The following FANK1 variants were observed in gnomAD, a reference collection of about 807,000 sequenced individuals.
FANK1 encodes fibronectin type III and ankyrin repeat domains 1, also known as fibronectin type 3 and ankyrin repeat domains protein 1.
Under a neutral mutation model 45.3 loss-of-function variants are expected in FANK1, and 44 were observed. That is an observed-to-expected ratio of 0.97 (90% CI 0.76 to 1.25). FANK1 has a LOEUF of 1.25. FANK1 is among the 50% of genes most tolerant of loss of function. The probability of loss-of-function intolerance (pLI) is 0.00; values close to 1 mark genes in which losing one functional copy is unlikely to be tolerated. For synonymous variants in FANK1, 149 were observed against 152.5 expected, an observed-to-expected ratio of 0.98 and a Z score of 0.17; for missense variants, 391 against 424.4, an observed-to-expected ratio of 0.92 and a Z score of 0.69.
chr10:125,918,585 A>AAAAATATATATATATATATATATAT (rs1554913277), intron 1 of FANK1, among the ~76,000 whole-genome samples: 1 of 70,974 alleles, frequency 1.4e-5, no homozygotes, highest in African/African-American at 7.9e-5. Context: ...AAAAAAAAAA[A>AAAAATATATATATATATATATATAT]ATATATATAT....
At chr10:125,921,801 AATC>A (rs1341660687) in intron 1 of FANK1, among the ~76,000 whole-genome samples, 1 of 152,138 alleles carries the variant, frequency 6.6e-6, no homozygotes, top group African/African-American at 2.4e-5. Context: ...GATTTGTAAT[AATC>A]CTTTCATTTC....
At chr10:126,003,079 C>T (rs1952898165) in intron 6 of FANK1, among the ~76,000 whole-genome samples, 1 of 150,196 alleles carries the variant, frequency 6.7e-6, no homozygotes, top group African/African-American at 2.5e-5. Context: ...TCTTTATAGT[C>T]TCTGGTTCTA....
chr10:125,941,173 T>A (rs530015054), intron 1 of FANK1, among the ~76,000 whole-genome samples: 2 of 152,322 alleles, frequency 1.3e-5, no homozygotes, highest in East Asian at 3.9e-4. Context: ...CCTGCAGAAG[T>A]TCTATATTTG....
At chr10:125,902,543 G>T (rs1260024447) in intron 1 of FANK1, among the ~76,000 whole-genome samples, 2 of 152,254 alleles carry the variant, frequency 1.3e-5, no homozygotes, top group African/African-American at 4.8e-5. Flanking sequence ...AGTGCCTCTT[G>T]TGGATTGTGC....
intron 2 of FANK1, among the ~76,000 whole-genome samples, chr10:125,984,463 T>G (rs1951427242): frequency 6.6e-6 from 1 of 152,134 alleles, no homozygotes; most frequent in Non-Finnish European, 1.5e-5. Flanking sequence ...AATCCAGTCT[T>G]CCACAGGAGG....
At chr10:125,965,177 TAAAC>T (rs997305295) in intron 1 of FANK1, among the ~76,000 whole-genome samples, 10 of 152,072 alleles carry the variant, frequency 6.6e-5, no homozygotes, top group South Asian at 2.1e-4. Context: ...AATAAACAAA[TAAAC>T]AAACTTGATG....
At chr10:125,909,285 G>C (rs954777251) in intron 1 of FANK1, among the ~76,000 whole-genome samples, 10 of 152,070 alleles carry the variant, frequency 6.6e-5, no homozygotes, top group Non-Finnish European at 2.9e-5. Context: ...CTGGATAGCG[G>C]AAGTGAAAAT....
intron 1 of FANK1, among the ~76,000 whole-genome samples, chr10:125,921,207 C>T (rs1946921434): frequency 6.6e-6 from 1 of 152,130 alleles, no homozygotes; most frequent in Non-Finnish European, 1.5e-5. Flanking sequence ...AATTACCTTG[C>T]CCTTTATAGT....
intron 1 of FANK1, among the ~76,000 whole-genome samples, chr10:125,955,291 G>C (rs1396976802): frequency 1.3e-5 from 2 of 151,882 alleles, no homozygotes; most frequent in African/African-American, 4.8e-5. Flanking sequence ...CCCAGTGTGT[G>C]TTGGTCCCCC....
At position 125,982,227 on chromosome 10, in the gene FANK1, G is replaced by A. The variant is rs143506930; in HGVS notation, c.191+1889G>A. Among the ~76,000 whole-genome samples the A allele has an allele frequency of 1.6e-4, 25 of 152,350 alleles. 1 individual carries two copies. The highest frequency in any genetic ancestry group is 5.8e-4 in the African/African-American group (24 of 41,578). On this transcript the variant is annotated intron_variant, in intron 2 of 10. Coordinates refer to ENST00000368693, the MANE Select transcript of FANK1 (RefSeq NM_145235.5). The stretch of plus-strand genomic sequence containing the variant: ...CAGGTGAATGGGGCCATCCTGCATC[G>A]TTCTTTCTTCCTTGGCTGTGCCTTT...
At chr10:125,978,861 T>G (rs1951015405) in intron 1 of FANK1, among the ~76,000 whole-genome samples, 1 of 152,200 alleles carries the variant, frequency 6.6e-6, no homozygotes, top group South Asian at 2.1e-4. Context: ...GGATTCATCC[T>G]CTTTCCTAAG....
intron 1 of FANK1, among the ~76,000 whole-genome samples, chr10:125,916,280 G>T (rs998929780): frequency 1.3e-5 from 2 of 152,050 alleles, no homozygotes; most frequent in African/African-American, 4.8e-5. Flanking sequence ...GCCTGCCTTG[G>T]CCTCCCAAAG....
intron 2 of FANK1, among the ~76,000 whole-genome samples, chr10:125,981,612 T>A (rs1341940527): frequency 6.6e-6 from 1 of 152,228 alleles, no homozygotes; most frequent in Non-Finnish European, 1.5e-5. Flanking sequence ...TATTTTGTGA[T>A]TCAGGAATAC....
intron 1 of FANK1, among the ~76,000 whole-genome samples, chr10:125,968,120 G>A (rs967386014): frequency 6.8e-6 from 1 of 147,990 alleles, no homozygotes. Flanking sequence ...TTGCTCTTTC[G>A]CTCAGGCTGG....
intron 4 of FANK1, 63 bp from the exon 5 acceptor site, chr10:125,996,487 C>A: frequency 1.3e-6 from 2 of 1,512,810 alleles, no homozygotes; most frequent in Non-Finnish European, 1.8e-6. Flanking sequence ...GTGAGAACCA[C>A]CGGCTTTGAC....
At chr10:125,993,298 G>A (rs12416410) in intron 3 of FANK1, among the ~76,000 whole-genome samples, 6,273 of 152,262 alleles carry the variant, frequency 0.041, 316 homozygotes, top group East Asian at 0.12. Context: ...CTGTTAATGG[G>A]ATAACAGAGA....
intron 1 of FANK1, chr10:125,973,218 T>C (rs931117171): frequency 3.9e-5 from 6 of 154,028 alleles, no homozygotes; most frequent in Admixed American, 2.0e-4. Flanking sequence ...CATGGTGAAC[T>C]GTTTTGAAAT....
In FANK1 at chr10:125,985,790, A is replaced by G. The variant is rs538629703; in HGVS notation, c.192-2761A>G. 1.1e-4 allele frequency among the ~76,000 whole-genome samples: 16 copies of G among 152,288 alleles called. No individual in the cohort carries two copies. In the East Asian group the frequency reaches 2.9e-3, roughly 28 times the overall value. ...GCCGTTGCAGCTCTCTTGGGGCTGG[A>G]AGAACCAAATGGCTTCACCCATGTG... On this transcript the variant is annotated intron_variant, in intron 2 of 10. Coordinates refer to ENST00000368693, the MANE Select transcript of FANK1 (RefSeq NM_145235.5).
At chr10:125,896,995 A>G (rs542399217) in intron 1 of FANK1, among the ~76,000 whole-genome samples, 1 of 152,388 alleles carries the variant, frequency 6.6e-6, no homozygotes, top group East Asian at 1.9e-4. Context: ...CCTCCTACTC[A>G]TGATTTTAGT....
Sources: allele counts gnomAD v4.1 joint callset (sites outside exome capture counted in the v4.1 genomes callset), GRCh38; gene constraint gnomAD v4.1.1; transcripts MANE v1.5; gene names NCBI Gene and HGNC (gene_info 2026-07-23, HGNC 2026-07-21).